PREX2: variants seen among roughly 807,000 people sequenced by gnomAD.
PREX2 encodes the protein phosphatidylinositol 3,4,5-trisphosphate-dependent Rac exchanger 2 protein.
Under a neutral mutation model 203.2 loss-of-function variants are expected in PREX2, and 107 were observed. That is an observed-to-expected ratio of 0.53 (90% CI 0.45 to 0.62). PREX2 has a LOEUF of 0.62. Ranked by LOEUF, PREX2 falls within the 20% of genes least tolerant of loss-of-function variation. The pLI, the probability that PREX2 is intolerant of heterozygous loss-of-function variation, is 0.00. For synonymous variants in PREX2, 672 were observed against 663.6 expected, an observed-to-expected ratio of 1.01 and a Z score of -0.19; for missense variants, 1,777 against 1,955.9, an observed-to-expected ratio of 0.91 and a Z score of 1.72.
intron 33 of PREX2, among the ~76,000 whole-genome samples, chr8:68,145,767 A>G (rs773996865): frequency 6.6e-6 from 1 of 152,112 alleles, no homozygotes; most frequent in Non-Finnish European, 1.5e-5. Flanking sequence ...TGCTCAGGGA[A>G]TAGAGCTTGC....
At chr8:67,956,915 G>C (rs1805506888) in intron 1 of PREX2, among the ~76,000 whole-genome samples, 3 of 152,152 alleles carry the variant, frequency 2.0e-5, no homozygotes, top group African/African-American at 4.8e-5. Context: ...TCTCTAATTT[G>C]CTTTGTGATT....
intron 7 of PREX2, among the ~76,000 whole-genome samples, chr8:68,041,498 T>G (rs142022093): frequency 4.6e-5 from 7 of 152,266 alleles, no homozygotes; most frequent in African/African-American, 7.2e-5. Context: ...AACATGTATC[T>G]TCATGAGAGG....
chr8:67,992,681 C>G (rs1806644204), intron 1 of PREX2, among the ~76,000 whole-genome samples: 1 of 152,172 alleles, frequency 6.6e-6, no homozygotes, highest in South Asian at 2.1e-4. Flanking sequence ...GGCACTATGA[C>G]TGTAGGATCT....
At chr8:68,081,282 C>T (rs571535666) in intron 17 of PREX2, among the ~76,000 whole-genome samples, 29 of 152,156 alleles carry the variant, frequency 1.9e-4, no homozygotes, top group South Asian at 1.2e-3. Context: ...TGTAATGCCA[C>T]GGCTGACTTG....
chr8:68,133,902 G>C (rs1427000846), intron 31 of PREX2, among the ~76,000 whole-genome samples, 157 bp from the exon 32 acceptor site: 1 of 152,240 alleles, frequency 6.6e-6, no homozygotes, highest in Non-Finnish European at 1.5e-5. Context: ...ATATTTGCTA[G>C]AATGTGTGTG....
chr8:67,968,927 A>T (rs1387848913), intron 1 of PREX2, among the ~76,000 whole-genome samples: 1 of 152,228 alleles, frequency 6.6e-6, no homozygotes, highest in Non-Finnish European at 1.5e-5. Context: ...TGCAAGATAC[A>T]GTGCCTAGGA....
chr8:68,128,616 C>G lies in PREX2; in HGVS notation c.3766+1197C>G, dbSNP rs78619556. Among the ~76,000 whole-genome samples, 1,124 of 152,200 alleles carry G rather than the reference C, an allele frequency of 7.4e-3. 13 individuals are homozygous for G. The highest frequency in any genetic ancestry group is 0.026 in the African/African-American group (1,085 of 41,522). On this transcript the variant is annotated intron_variant, in intron 31 of 39. Coordinates refer to ENST00000288368, the MANE Select transcript of PREX2 (RefSeq NM_024870.4). Reference sequence around the variant, plus strand: ...ACAGGGCTGCCTGGACTGCCTGTCTCTCATCATCTATGAGGCTAGCCTGTT... The same window carrying G: ...ACAGGGCTGCCTGGACTGCCTGTCTGTCATCATCTATGAGGCTAGCCTGTT...
intron 33 of PREX2, among the ~76,000 whole-genome samples, chr8:68,145,395 T>C (rs1811306029): frequency 6.6e-6 from 1 of 152,174 alleles, no homozygotes; most frequent in African/African-American, 2.4e-5. Flanking sequence ...ACTCTACTTT[T>C]ATATACAGTT....
intron 1 of PREX2, among the ~76,000 whole-genome samples, chr8:67,978,349 A>G (rs1806169549): frequency 6.6e-6 from 1 of 152,130 alleles, no homozygotes; most frequent in Admixed American, 6.6e-5. Flanking sequence ...AGCACCTCAA[A>G]AGCCATCCTT....
intron 22 of PREX2, among the ~76,000 whole-genome samples, chr8:68,098,930 ATATATGTG>A (rs1187177853): frequency 4.4e-4 from 50 of 114,828 alleles, no homozygotes; most frequent in African/African-American, 1.7e-3. Context: ...AATGCTACAT[ATATATGTG>A]TATATATATA....
At chr8:68,021,464 A>G (rs921180757) in intron 3 of PREX2, among the ~76,000 whole-genome samples, 2 of 152,128 alleles carry the variant, frequency 1.3e-5, no homozygotes, top group African/African-American at 2.4e-5. Flanking sequence ...TTGTTGCTAG[A>G]TATTCTTCAG....
rs117477434 is a variant in PREX2, at chr8:68,076,752, C to T, written c.1570-645C>T. Among the ~76,000 whole-genome samples the T allele has an allele frequency of 2.3e-4, 35 of 150,610 alleles. No homozygotes were observed. In the East Asian group the frequency reaches 6.7e-3, roughly 29 times the overall value. On this transcript the variant is annotated intron_variant, in intron 14 of 39. Coordinates refer to ENST00000288368, the MANE Select transcript of PREX2 (RefSeq NM_024870.4). ...GCATGTTCATATACATGGATCCATA[C>T]TTAAAGGCATAAAATAGGTGTTTTC... is the stretch of plus-strand genomic sequence containing the variant.
At chr8:68,221,273 ACTTAGGTTGATTCCATGACTT>A (rs1247066672) in intron 38 of PREX2, among the ~76,000 whole-genome samples, 1 of 152,176 alleles carries the variant, frequency 6.6e-6, no homozygotes, top group Non-Finnish European at 1.5e-5. Context: ...GTTGATGGGC[ACTTAGGTTGATTCCATGACTT>A]TGCTATTGTG....
intron 6 of PREX2, among the ~76,000 whole-genome samples, chr8:68,036,140 G>A (rs929886212): frequency 6.6e-6 from 1 of 152,104 alleles, no homozygotes; most frequent in African/African-American, 2.4e-5. Flanking sequence ...AGGGGCTTGA[G>A]AGTTTCTTGT....
intron 1 of PREX2, among the ~76,000 whole-genome samples, chr8:67,992,477 G>A (rs1182318106): frequency 6.6e-6 from 1 of 152,164 alleles, no homozygotes; most frequent in Non-Finnish European, 1.5e-5. Flanking sequence ...GAGAAATAGA[G>A]CATTTTATAA....
At chr8:68,115,446 T>G (rs1810634971) in intron 25 of PREX2, among the ~76,000 whole-genome samples, 1 of 152,256 alleles carries the variant, frequency 6.6e-6, no homozygotes, top group Non-Finnish European at 1.5e-5. Flanking sequence ...CCAGTTATTC[T>G]CATTATCTCC....
At chr8:68,160,251 T>C (rs1811628695) in intron 35 of PREX2, among the ~76,000 whole-genome samples, 3 of 152,150 alleles carry the variant, frequency 2.0e-5, no homozygotes, top group Admixed American at 2.0e-4. Flanking sequence ...GACACAACAC[T>C]TTAGAATTTT....
At chr8:67,952,792 G>C (rs1585648099) in intron 1 of PREX2, 1 of 579,868 alleles carries the variant, frequency 1.7e-6, no homozygotes, top group East Asian at 3.2e-5. Context: ...CTCTAGAGAA[G>C]AGAGCTCCAG....
chr8:68,105,678 G>GGA (rs1810387816), intron 23 of PREX2: 2 of 208,608 alleles, frequency 9.6e-6, no homozygotes, highest in Non-Finnish European at 1.1e-5. Context: ...ATATATATAT[G>GGA]GATTATATAT....
Sources: allele counts gnomAD v4.1 joint callset (sites outside exome capture counted in the v4.1 genomes callset), GRCh38; gene constraint gnomAD v4.1.1; transcripts MANE v1.5; gene names NCBI Gene and HGNC (gene_info 2026-07-23, HGNC 2026-07-21).